Variants in NBEA observed in about 807,000 individuals in gnomAD.
NBEA encodes lysosomal-trafficking regulator 2.
In NBEA, 44 loss-of-function variants were observed where a neutral mutation model predicts 343.4. The observed-to-expected ratio is 0.13, with a 90% CI of 0.10 to 0.16. NBEA has a LOEUF of 0.16. Among genes scored for constraint, NBEA ranks in the 10% least tolerant of loss-of-function variants. NBEA has a pLI of 1.00. For synonymous variants in NBEA, 1,175 were observed against 1,238.7 expected, an observed-to-expected ratio of 0.95 and a Z score of 1.08; for missense variants, 2,555 against 3,631.3, an observed-to-expected ratio of 0.70 and a Z score of 7.62.
At chr13:35,282,412 A>G (rs1343096203) in intron 34 of NBEA, among the ~76,000 whole-genome samples, 1 of 152,160 alleles carries the variant, frequency 6.6e-6, no homozygotes, top group African/African-American at 2.4e-5. Context: ...AGCAGTGTTA[A>G]AATTTGAACC....
intron 45 of NBEA, among the ~76,000 whole-genome samples, chr13:35,574,294 TA>T (rs35056179): frequency 7.3e-4 from 98 of 135,062 alleles, no homozygotes; most frequent in Middle Eastern, 3.9e-3. Context: ...GGATATTCTT[TA>T]AAAAAAAAAA....
chr13:35,311,188 A>G (rs1488419895), intron 36 of NBEA, among the ~76,000 whole-genome samples: 2 of 152,130 alleles, frequency 1.3e-5, no homozygotes, highest in African/African-American at 2.4e-5. Flanking sequence ...GTTACTAACA[A>G]TTATTATCCG....
At chr13:35,413,562 G>A (rs1354094165) in intron 38 of NBEA, among the ~76,000 whole-genome samples, 1 of 152,024 alleles carries the variant, frequency 6.6e-6, no homozygotes, top group Non-Finnish European at 1.5e-5. Flanking sequence ...ATGCTCATAA[G>A]CTGAAAATGC....
intron 41 of NBEA, among the ~76,000 whole-genome samples, chr13:35,501,730 T>C (rs919180086): frequency 6.6e-6 from 1 of 152,152 alleles, no homozygotes; most frequent in African/African-American, 2.4e-5. Context: ...ATATGGTAAA[T>C]GTAATTCTTG....
chr13:35,611,773 T>C (rs942581361), intron 48 of NBEA, among the ~76,000 whole-genome samples: 3 of 152,250 alleles, frequency 2.0e-5, no homozygotes, highest in Admixed American at 6.5e-5. Context: ...TACTACCACA[T>C]TGTGTGGAAT....
At chr13:35,042,680 A>T (rs754724744) in intron 2 of NBEA, among the ~76,000 whole-genome samples, 2 of 151,808 alleles carry the variant, frequency 1.3e-5, no homozygotes, top group Non-Finnish European at 3.0e-5. Context: ...CTCAGTAATA[A>T]TATTAATAAC....
At chr13:35,045,280 AT>A in intron 3 of NBEA, 25 bp from the exon 4 acceptor site, 1 of 1,562,358 alleles carries the variant, frequency 6.4e-7, no homozygotes, top group Admixed American at 1.8e-5. Flanking sequence ...GTACAATGAC[AT>A]TTCTTTCTTT....
chr13:35,531,555 C>T (rs2078263951), intron 41 of NBEA, among the ~76,000 whole-genome samples: 2 of 152,136 alleles, frequency 1.3e-5, no homozygotes, highest in South Asian at 4.1e-4. Context: ...GAAATCCTAG[C>T]CCTTACCTTT....
chr13:35,476,246 C>G lies in NBEA; in HGVS notation c.6585+3710C>G. The G allele has an allele frequency of 1.9e-6, 3 of 1,551,144 alleles. No homozygotes were observed. The Admixed American group carries it at 5.1e-5, about 27-fold the overall frequency. The stretch of plus-strand genomic sequence containing the variant: ...TTCGGTGGAGAAACGGGCCGCAACA[C>G]TCAGAAATGGATCAAAAATGCCTTT... On this transcript the variant is annotated intron_variant, in intron 41 of 58. Transcript: ENST00000379939.
chr13:35,165,727 C>G (rs997992885), intron 24 of NBEA, among the ~76,000 whole-genome samples: 1 of 150,316 alleles, frequency 6.7e-6, no homozygotes, highest in Non-Finnish European at 1.5e-5. Context: ...TTCTGTGACC[C>G]AGGCTGGAGC....
At chr13:35,596,987 G>A (rs1007553408) in intron 47 of NBEA, among the ~76,000 whole-genome samples, 3 of 152,032 alleles carry the variant, frequency 2.0e-5, no homozygotes, top group Admixed American at 2.0e-4. Flanking sequence ...GATCGGATTT[G>A]ATTTCACTAG....
chr13:35,627,991 T>C (rs2153065515), intron 48 of NBEA, 90 bp from the exon 49 acceptor site: 5 of 948,020 alleles, frequency 5.3e-6, no homozygotes, highest in Non-Finnish European at 7.6e-6. Flanking sequence ...TTCTCCTTTT[T>C]ATATATATTT....
chr13:35,416,220 C>A (rs1253693470), intron 38 of NBEA, among the ~76,000 whole-genome samples: 1 of 152,088 alleles, frequency 6.6e-6, no homozygotes, highest in Non-Finnish European at 1.5e-5. Context: ...ATTGAATACC[C>A]TTTATTTCTT....
chr13:35,478,859 CG>C (rs756077979), intron 41 of NBEA, among the ~76,000 whole-genome samples: 1 of 152,210 alleles, frequency 6.6e-6, no homozygotes, highest in Admixed American at 6.5e-5. Flanking sequence ...GTGAGACAGC[CG>C]AGGACGGGGA....
intron 36 of NBEA, among the ~76,000 whole-genome samples, chr13:35,320,668 T>C (rs1408014880): frequency 6.6e-6 from 1 of 152,214 alleles, no homozygotes; most frequent in Non-Finnish European, 1.5e-5. Context: ...GAAGTTCTCC[T>C]GGATAATATC....
intron 49 of NBEA, among the ~76,000 whole-genome samples, chr13:35,642,876 T>C (rs550116048): frequency 6.6e-6 from 1 of 151,916 alleles, no homozygotes; most frequent in Non-Finnish European, 1.5e-5. Flanking sequence ...CAGGAATCTT[T>C]ATCTGTTTCA....
chr13:35,166,126 C>A (rs1566396015), intron 24 of NBEA, among the ~76,000 whole-genome samples: 1 of 151,842 alleles, frequency 6.6e-6, no homozygotes, highest in Non-Finnish European at 1.5e-5. Flanking sequence ...TATTGAAATT[C>A]ACTTTGAAAT....
At chr13:35,664,461 C>G (rs1361966213) in intron 55 of NBEA, among the ~76,000 whole-genome samples, 2 of 152,182 alleles carry the variant, frequency 1.3e-5, no homozygotes, top group Non-Finnish European at 2.9e-5. Context: ...GCAGAATAAG[C>G]TCATTTCTTT....
chr13:35,597,945 A>G (rs1336349648), intron 47 of NBEA, among the ~76,000 whole-genome samples: 1 of 152,150 alleles, frequency 6.6e-6, no homozygotes, highest in Non-Finnish European at 1.5e-5. Context: ...TACTGTGCCC[A>G]CCTTCGGAGA....
Sources: gnomAD v4.1 joint callset for allele counts (sites outside exome capture counted in the v4.1 genomes callset) on GRCh38, gnomAD v4.1.1 for gene constraint, MANE v1.5 for transcripts, NCBI Gene and HGNC (gene_info 2026-07-23, HGNC 2026-07-21) for gene names.